Variants in FBXL13 observed in about 807,000 individuals in gnomAD.
FBXL13 encodes the protein F-box and leucine-rich repeat protein 13.
In FBXL13, 67 loss-of-function variants were observed where a neutral mutation model predicts 83.6. The observed-to-expected ratio is 0.80, with a 90% CI of 0.66 to 0.98. The LOEUF (loss-of-function observed/expected upper bound fraction) is 0.98, where lower values mean the gene tolerates loss of function less well. Ranked by LOEUF, FBXL13 falls within the 50% of genes least tolerant of loss-of-function variation. The pLI, the probability that FBXL13 is intolerant of heterozygous loss-of-function variation, is 0.00. For missense variants in FBXL13, 822 were observed against 866.5 expected (o/e 0.95, Z 0.64); for synonymous variants, 272 against 299.5 (o/e 0.91, Z 0.95).
At chr7:102,964,406 T>A (rs13242403) in intron 7 of FBXL13, among the ~76,000 whole-genome samples, 71,386 of 125,642 alleles carry the variant, frequency 0.57, 20,762 homozygotes, top group Non-Finnish European at 0.66. Flanking sequence ...ATATATATAT[T>A]TTTTTTTTTT....
At chr7:102,834,473 ATG>A (rs1554405405) in intron 17 of FBXL13, 1 of 141,542 alleles carries the variant, frequency 7.1e-6, no homozygotes, top group African/African-American at 2.6e-5. Context: ...ATATATATAT[ATG>A]TGATGTGGCT....
At chr7:102,926,819 T>C (rs1818231089) in intron 9 of FBXL13, among the ~76,000 whole-genome samples, 1 of 152,250 alleles carries the variant, frequency 6.6e-6, no homozygotes, top group Non-Finnish European at 1.5e-5. Flanking sequence ...TCCATATTTA[T>C]ACACATATAC....
chr7:102,903,158 T>C (rs1813188291), intron 11 of FBXL13, among the ~76,000 whole-genome samples: 1 of 152,076 alleles, frequency 6.6e-6, no homozygotes, highest in Non-Finnish European at 1.5e-5. Context: ...TAATTCCTAG[T>C]TATTTAACTT....
intron 6 of FBXL13, chr7:102,976,298 C>G (rs768151417): frequency 2.8e-5 from 19 of 668,964 alleles, no homozygotes; most frequent in Non-Finnish European, 4.9e-5. Flanking sequence ...TTTTCAGGAC[C>G]CACCCAGTCC....
chr7:102,989,647 G>A (rs1265526688), intron 6 of FBXL13, among the ~76,000 whole-genome samples: 2 of 152,206 alleles, frequency 1.3e-5, no homozygotes, highest in Non-Finnish European at 2.9e-5. Context: ...TGCAGTGACC[G>A]AGGGGCGAGT....
chr7:102,902,603 T>C (rs1337723807), intron 11 of FBXL13, among the ~76,000 whole-genome samples: 1 of 152,188 alleles, frequency 6.6e-6, no homozygotes, highest in Admixed American at 6.5e-5. Flanking sequence ...TTTGATTTGA[T>C]TTTTGCATAC....
At chr7:102,825,871 T>C (rs1046324366) in intron 18 of FBXL13, among the ~76,000 whole-genome samples, 5 of 152,242 alleles carry the variant, frequency 3.3e-5, no homozygotes, top group African/African-American at 1.2e-4. Context: ...ATTGTGACCA[T>C]AGGCAAGTTG....
intron 17 of FBXL13, among the ~76,000 whole-genome samples, chr7:102,843,080 C>T (rs557965303): frequency 6.6e-6 from 1 of 152,012 alleles, no homozygotes; most frequent in African/African-American, 2.4e-5. Context: ...TTTTTAAAAT[C>T]GAAAGTTTAT....
chr7:102,869,495 A>AC (rs1808232463), intron 16 of FBXL13, among the ~76,000 whole-genome samples: 3 of 151,804 alleles, frequency 2.0e-5, no homozygotes, highest in African/African-American at 7.3e-5. Flanking sequence ...CCATTCGTGC[A>AC]TTTTTTTTCT....
intron 10 of FBXL13, among the ~76,000 whole-genome samples, chr7:102,916,579 G>A (rs559401217): frequency 6.6e-6 from 1 of 152,302 alleles, no homozygotes; most frequent in South Asian, 2.1e-4. Context: ...CGGGAAAAGT[G>A]TCAGTTGACA....
At chr7:103,044,181 G>A (rs1448302650) in intron 2 of FBXL13, among the ~76,000 whole-genome samples, 1 of 152,190 alleles carries the variant, frequency 6.6e-6, no homozygotes, top group African/African-American at 2.4e-5. Flanking sequence ...AGGAAGCATT[G>A]AGAACCTGGG....
intron 6 of FBXL13, among the ~76,000 whole-genome samples, chr7:102,999,273 C>T (rs1242392185): frequency 1.3e-5 from 2 of 152,138 alleles, no homozygotes; most frequent in African/African-American, 4.8e-5. Context: ...ATGAATCCTA[C>T]TTGATCATGG....
intron 1 of FBXL13, among the ~76,000 whole-genome samples, chr7:103,073,089 C>T (rs1243803453): frequency 6.6e-6 from 1 of 152,200 alleles, no homozygotes; most frequent in Admixed American, 6.5e-5. Flanking sequence ...TAAAACAATA[C>T]AGCTATGGAC....
intron 1 of FBXL13, among the ~76,000 whole-genome samples, chr7:103,070,139 T>C (rs965544258): frequency 6.6e-6 from 1 of 151,976 alleles, no homozygotes; most frequent in African/African-American, 2.4e-5. Context: ...TGTCTTGAAT[T>C]ATCAACAGAA....
At chr7:102,835,056 G>A (rs1197814747) in intron 17 of FBXL13, among the ~76,000 whole-genome samples, 8 of 152,170 alleles carry the variant, frequency 5.3e-5, no homozygotes, top group African/African-American at 7.2e-5. Context: ...ATGCACAAAT[G>A]TATTGTACTT....
intron 17 of FBXL13, among the ~76,000 whole-genome samples, chr7:102,846,092 T>G (rs1803891329): frequency 2.0e-5 from 3 of 152,218 alleles, no homozygotes; most frequent in Admixed American, 2.0e-4. Flanking sequence ...CAACAGTGCC[T>G]GACATGTAGT....
chr7:103,036,787 C>T (rs149982239), intron 2 of FBXL13, among the ~76,000 whole-genome samples: 1,675 of 152,354 alleles, frequency 0.011, 35 homozygotes, highest in African/African-American at 0.039. Flanking sequence ...GTTGGGGTTA[C>T]AGGCACAAGC....
intron 11 of FBXL13, among the ~76,000 whole-genome samples, chr7:102,893,966 G>GAAAGAAAC (rs58235133): frequency 0.4 from 57,597 of 144,244 alleles, 11,891 homozygotes; most frequent in African/African-American, 0.53. Context: ...AAGAAAGAGA[G>GAAAGAAAC]AAAGAAAGAA....
intron 17 of FBXL13, among the ~76,000 whole-genome samples, chr7:102,848,971 G>A (rs1003738841): frequency 6.6e-6 from 1 of 152,158 alleles, no homozygotes; most frequent in Non-Finnish European, 1.5e-5. Context: ...TTGCACTCCA[G>A]CTTGGGCAAC....
Sources: gnomAD v4.1 joint callset for allele counts (sites outside exome capture counted in the v4.1 genomes callset) on GRCh38, gnomAD v4.1.1 for gene constraint, MANE v1.5 for transcripts, NCBI Gene and HGNC (gene_info 2026-07-23, HGNC 2026-07-21) for gene names.